Variants in SPAG16 observed in about 807,000 individuals in gnomAD.
The protein encoded by SPAG16 is sperm-associated antigen 16 protein.
In SPAG16, 86 loss-of-function variants were observed where a neutral mutation model predicts 80.4. That is an observed-to-expected ratio of 1.07 (90% CI 0.90 to 1.28). SPAG16 has a LOEUF of 1.28. Among genes scored for constraint, SPAG16 ranks in the 50% most tolerant of loss-of-function variants. The probability of loss-of-function intolerance (pLI) is 0.00; values close to 1 mark genes in which losing one functional copy is unlikely to be tolerated. For synonymous variants in SPAG16, 294 were observed against 265.9 expected, an observed-to-expected ratio of 1.11 and a Z score of -1.03; for missense variants, 870 against 765.3, an observed-to-expected ratio of 1.14 and a Z score of -1.61.
intron 13 of SPAG16, among the ~76,000 whole-genome samples, chr2:214,031,700 A>G (rs1258212518): frequency 6.6e-6 from 1 of 152,010 alleles, no homozygotes; most frequent in African/African-American, 2.4e-5. Flanking sequence ...GGTTTAATTG[A>G]CTCACAGTTT....
intron 13 of SPAG16, among the ~76,000 whole-genome samples, chr2:214,103,454 T>C (rs1211091410): frequency 1.3e-5 from 2 of 152,180 alleles, no homozygotes. Flanking sequence ...CATGAAACAG[T>C]TTCTGCTACT....
intron 7 of SPAG16, among the ~76,000 whole-genome samples, chr2:213,357,487 A>G (rs1575344342): frequency 6.6e-6 from 1 of 152,154 alleles, no homozygotes; most frequent in East Asian, 1.9e-4. Context: ...TTCTTGTTGA[A>G]TTGATCCCTT....
intron 12 of SPAG16, among the ~76,000 whole-genome samples, chr2:213,976,671 C>A (rs2045426682): frequency 6.6e-6 from 1 of 151,764 alleles, no homozygotes; most frequent in Non-Finnish European, 1.5e-5. Flanking sequence ...AATTTGTGTG[C>A]CATTTGGGGC....
At chr2:214,120,380 G>C (rs1480363796) in intron 14 of SPAG16, among the ~76,000 whole-genome samples, 1 of 151,316 alleles carries the variant, frequency 6.6e-6, no homozygotes, top group Non-Finnish European at 1.5e-5. Flanking sequence ...TTTCAACTTT[G>C]TCCATCCTTG....
chr2:214,209,488 C>T (rs967629410), intron 15 of SPAG16, among the ~76,000 whole-genome samples: 6 of 152,202 alleles, frequency 3.9e-5, no homozygotes, highest in Non-Finnish European at 8.8e-5. Flanking sequence ...AGCATATCCA[C>T]TCACACAAAA....
chr2:214,010,910 C>T (rs1480718277), intron 12 of SPAG16, among the ~76,000 whole-genome samples: 1 of 145,088 alleles, frequency 6.9e-6, no homozygotes, highest in Non-Finnish European at 1.5e-5. Flanking sequence ...ACGTTATTTT[C>T]CTTTTTTCAC....
At chr2:214,018,345 C>T (rs1046612702) in intron 13 of SPAG16, among the ~76,000 whole-genome samples, 36 of 152,070 alleles carry the variant, frequency 2.4e-4, no homozygotes, top group African/African-American at 7.7e-4. Context: ...GACAAAGACA[C>T]GTGTTATATG....
At chr2:213,505,139 C>G (rs1268944262) in intron 10 of SPAG16, among the ~76,000 whole-genome samples, 13 of 151,994 alleles carry the variant, frequency 8.6e-5, no homozygotes, top group Admixed American at 7.9e-4. Context: ...ATAAGTAGAC[C>G]TTTCTACTTG....
chr2:213,751,517 G>A (rs1170607873), intron 10 of SPAG16, among the ~76,000 whole-genome samples: 3 of 152,070 alleles, frequency 2.0e-5, no homozygotes, highest in Non-Finnish European at 2.9e-5. Context: ...TCTCTCCATC[G>A]TTTCCTGCTC....
chr2:214,356,215 A>G (rs1181533849), intron 15 of SPAG16, among the ~76,000 whole-genome samples: 1 of 151,980 alleles, frequency 6.6e-6, no homozygotes, highest in African/African-American at 2.4e-5. Flanking sequence ...AAAATGAGAA[A>G]AAAATAAAAA....
chr2:213,486,037 G>T (rs1386409764), intron 9 of SPAG16, among the ~76,000 whole-genome samples: 1 of 151,940 alleles, frequency 6.6e-6, no homozygotes, highest in African/African-American at 2.4e-5. Flanking sequence ...TATAATTGAG[G>T]TACCCATCAC....
chr2:213,984,450 A>G (rs2045912730), intron 12 of SPAG16, among the ~76,000 whole-genome samples: 1 of 152,104 alleles, frequency 6.6e-6, no homozygotes, highest in East Asian at 1.9e-4. Context: ...CAAAGCTCAC[A>G]TAACTCTCCA....
chr2:214,031,331 C>T (rs1432660471), intron 13 of SPAG16, among the ~76,000 whole-genome samples: 2 of 148,284 alleles, frequency 1.3e-5, no homozygotes, highest in East Asian at 2.0e-4. Flanking sequence ...AGTAAACTAT[C>T]GCAAGGACAA....
chr2:213,371,375 C>A (rs1273489587), intron 8 of SPAG16, among the ~76,000 whole-genome samples: 3 of 114,378 alleles, frequency 2.6e-5, no homozygotes, highest in African/African-American at 1.0e-4. Flanking sequence ...TCCAGCCTGG[C>A]AACACAGCAA....
At chr2:214,391,726 A>C (rs1176897565) in intron 15 of SPAG16, among the ~76,000 whole-genome samples, 1 of 152,200 alleles carries the variant, frequency 6.6e-6, no homozygotes, top group East Asian at 1.9e-4. Context: ...AATTTCCACC[A>C]CTGAGCTCCC....
intron 10 of SPAG16, among the ~76,000 whole-genome samples, chr2:213,860,366 T>C (rs543052069): frequency 1.5e-5 from 1 of 64,640 alleles, no homozygotes; most frequent in African/African-American, 4.2e-5. Context: ...TATATATATG[T>C]GTGTGTGTGT....
At chr2:213,638,712 A>G (rs144616621) in intron 10 of SPAG16, among the ~76,000 whole-genome samples, 4 of 152,258 alleles carry the variant, frequency 2.6e-5, no homozygotes, top group Admixed American at 6.5e-5. Context: ...TAGAATGTAT[A>G]TTCTACAGTT....
chr2:213,782,183 T>G (rs1252334244), intron 10 of SPAG16, among the ~76,000 whole-genome samples: 2 of 151,730 alleles, frequency 1.3e-5, no homozygotes, highest in East Asian at 3.9e-4. Flanking sequence ...GTCTTCAGTT[T>G]TTTTTTTTTA....
chr2:214,076,585 T>A (rs2051092407), intron 13 of SPAG16, among the ~76,000 whole-genome samples: 1 of 151,506 alleles, frequency 6.6e-6, no homozygotes, highest in African/African-American at 2.4e-5. Flanking sequence ...AGAGAGTGTA[T>A]GCTACAATAA....
Sources: allele counts gnomAD v4.1 joint callset (sites outside exome capture counted in the v4.1 genomes callset), GRCh38; gene constraint gnomAD v4.1.1; transcripts MANE v1.5; gene names NCBI Gene and HGNC (gene_info 2026-07-23, HGNC 2026-07-21).